Variants in PLCG2 observed in about 807,000 individuals in gnomAD.
PLCG2 encodes 1-phosphatidylinositol 4,5-bisphosphate phosphodiesterase gamma-2.
In PLCG2, 69 loss-of-function variants were observed where a neutral mutation model predicts 175.6. The ratio of observed to expected loss-of-function variants is 0.39; its 90% CI spans 0.32 to 0.48. The LOEUF (loss-of-function observed/expected upper bound fraction) is 0.48. Ranked by LOEUF, PLCG2 falls within the 20% of genes least tolerant of loss-of-function variation. The pLI is 0.91. For missense variants in PLCG2, 1,798 were observed against 1,650.9 expected, an observed-to-expected ratio of 1.09 and a Z score of -1.54; for synonymous variants, 827 against 624.0, an observed-to-expected ratio of 1.33 and a Z score of -4.85.
intron 15 of PLCG2, among the ~76,000 whole-genome samples, chr16:81,906,037 G>A (rs917066969): frequency 4.6e-5 from 7 of 151,934 alleles, no homozygotes; most frequent in African/African-American, 1.7e-4. Flanking sequence ...CACACAAATA[G>A]TATGGGATAT....
chr16:81,815,770 G>GCAC (rs1567478666), intron 2 of PLCG2, among the ~76,000 whole-genome samples: 1 of 152,198 alleles, frequency 6.6e-6, no homozygotes, highest in East Asian at 1.9e-4. Flanking sequence ...TAATTGAGCA[G>GCAC]TCTTAAATGA....
chr16:81,948,305 G>T (rs1045803420), intron 31 of PLCG2, among the ~76,000 whole-genome samples: 6 of 146,360 alleles, frequency 4.1e-5, no homozygotes, highest in South Asian at 2.1e-4. Flanking sequence ...GATTTAACAT[G>T]GTGAGATCCC....
chr16:81,891,483 C>T lies in PLCG2; in HGVS notation c.879C>T (p.Tyr293=), dbSNP rs368107827. ...TTTGACTCTTTTAGTTCCTCACGTA[C>T]CTGTTTTCACGAGAAAACAGCATCT... ...PFLFVDEFLT[Y]LFSRENSIWD... The change falls in exon 11 of 33, where the codon TAC becomes TAT. Residue 293 remains tyrosine (Y), a synonymous_variant. Coordinates refer to ENST00000564138, the MANE Select transcript of PLCG2 (RefSeq NM_002661.5). 56 of 1,582,548 alleles carry T rather than the reference C, an allele frequency of 3.5e-5. No homozygotes were observed. In the African/African-American group the frequency reaches 5.8e-4, roughly 16 times the overall value.
chr16:81,885,364 A>G (rs1406383409), intron 9 of PLCG2, among the ~76,000 whole-genome samples: 1 of 151,870 alleles, frequency 6.6e-6, no homozygotes, highest in African/African-American at 2.4e-5. Context: ...GGATTTCCCC[A>G]TGTTGCTCAG....
In PLCG2 at chr16:81,866,620, A is replaced by G. The variant is rs563959678; in HGVS notation, c.480-2594A>G. Among the ~76,000 whole-genome samples, 4 of 93,374 alleles carry G rather than the reference A, an allele frequency of 4.3e-5. 1 individual carries two copies. Among genetic ancestry groups the G allele is most frequent in the African/African-American group, 9.7e-5 (3 of 30,806 alleles). The allele number at this position is 93,374 out of a possible 152,430, so 61.3% of individuals were successfully genotyped here. A position where few individuals can be genotyped will look rare whatever the true frequency, so the allele number is the denominator to read the frequency against. ...TCCACTGGGGCACTAGCATGAGAGG[A>G]TGCTGGCCTCTCCCTTGCTCCCAGG... On this transcript the variant is annotated intron_variant, in intron 5 of 32. Transcript: ENST00000564138.
At chr16:81,846,281 A>G (rs984406416) in intron 2 of PLCG2, among the ~76,000 whole-genome samples, 2 of 151,934 alleles carry the variant, frequency 1.3e-5, no homozygotes, top group Non-Finnish European at 2.9e-5. Context: ...TTCCGGTGTG[A>G]TTCATGCTCC....
chr16:81,925,586 G>C (rs17202296), intron 22 of PLCG2, among the ~76,000 whole-genome samples: 37,077 of 152,150 alleles, frequency 0.24, 4,584 homozygotes, highest in Middle Eastern at 0.34. Flanking sequence ...GCACAGACTT[G>C]ATTAAGATCC....
chr16:81,951,643 G>A (rs1368786688), intron 31 of PLCG2, among the ~76,000 whole-genome samples: 6 of 152,092 alleles, frequency 3.9e-5, no homozygotes, highest in East Asian at 3.8e-4. Context: ...TCATTCAGCC[G>A]TAGACCAATG....
At chr16:81,784,953 C>G (rs1236603579) in intron 1 of PLCG2, among the ~76,000 whole-genome samples, 1 of 152,058 alleles carries the variant, frequency 6.6e-6, no homozygotes, top group Non-Finnish European at 1.5e-5. Flanking sequence ...CAGGGAGGGA[C>G]TAAGGGATTT....
intron 2 of PLCG2, among the ~76,000 whole-genome samples, chr16:81,805,927 A>C (rs1912001156): frequency 6.6e-6 from 1 of 151,936 alleles, no homozygotes; most frequent in Non-Finnish European, 1.5e-5. Context: ...GGTGTGAGCC[A>C]CTGTACGCAG....
chr16:81,946,342 G>A (rs1911148567), intron 31 of PLCG2, 79 bp downstream of exon 31: 1 of 996,900 alleles, frequency 1.0e-6, no homozygotes, highest in Admixed American at 1.7e-5. Flanking sequence ...GAATACAATT[G>A]GCAGATGGAC....
chr16:81,783,023 C>T (rs747292499), intron 1 of PLCG2: 4 of 431,928 alleles, frequency 9.3e-6, no homozygotes, highest in Non-Finnish European at 1.8e-5. Flanking sequence ...CACTGGGCTT[C>T]GAAGCTGGAA....
intron 1 of PLCG2, among the ~76,000 whole-genome samples, chr16:81,745,612 C>T (rs1449525830): frequency 1.3e-5 from 2 of 152,306 alleles, no homozygotes; most frequent in East Asian, 3.9e-4. Flanking sequence ...CCTGGGGATA[C>T]AGAGATAAAT....
chr16:81,883,450 C>G (rs979512737), intron 9 of PLCG2, 109 bp downstream of exon 9: 8 of 819,062 alleles, frequency 9.8e-6, no homozygotes, highest in Non-Finnish European at 1.6e-5. Context: ...GCTCACCTGG[C>G]CACCTGTGCT....
chr16:81,885,706 A>G (rs1908327715), intron 9 of PLCG2, among the ~76,000 whole-genome samples: 2 of 152,096 alleles, frequency 1.3e-5, no homozygotes, highest in Non-Finnish European at 2.9e-5. Flanking sequence ...TCCGATACCC[A>G]GCCTGCATTT....
Position 81,956,815 on chromosome 16 carries a change from C to T in PLCG2, c.3691C>T (p.Leu1231=), listed in dbSNP as rs1911588700. The change falls in exon 32 of 33, where the codon CTG becomes TTG. Residue 1231 remains leucine (L), a synonymous_variant. Transcript: ENST00000564138. ...CTTGCGCAATGCCAACCGGGATGCC[C>T]TGGTTAAAGAGTTCAGTGTTAATGA... ...QNLRNANRDA[L]VKEFSVNENQ... is the part of the protein sequence containing the mutation. 1 of 1,614,172 alleles carries T rather than the reference C, an allele frequency of 6.2e-7. No homozygotes were observed. The highest frequency in any genetic ancestry group is 1.1e-5 in the South Asian group (1 of 91,080).
At chr16:81,851,052 C>T (rs79030206) in intron 2 of PLCG2, among the ~76,000 whole-genome samples, 9,748 of 152,168 alleles carry the variant, frequency 0.064, 361 homozygotes, top group Non-Finnish European at 0.087. Flanking sequence ...TGGGGTGTGA[C>T]GGGGGATGAG....
chr16:81,898,154 C>A, intron 13 of PLCG2: 1 of 212,218 alleles, frequency 4.7e-6, no homozygotes, highest in South Asian at 6.0e-5. Flanking sequence ...AGTCATTCAT[C>A]GAACATTATC....
At chr16:81,861,742 C>G (rs1257356187) in intron 5 of PLCG2, among the ~76,000 whole-genome samples, 2 of 152,162 alleles carry the variant, frequency 1.3e-5, no homozygotes, top group African/African-American at 4.8e-5. Flanking sequence ...AGGGAGCCAC[C>G]CTCAGTGCCT....
Sources: gnomAD v4.1 joint callset for allele counts (sites outside exome capture counted in the v4.1 genomes callset) on GRCh38, gnomAD v4.1.1 for gene constraint, MANE v1.5 for transcripts, NCBI Gene and HGNC (gene_info 2026-07-23, HGNC 2026-07-21) for gene names.